Variants in CLMN observed in about 807,000 individuals in gnomAD.
The protein encoded by CLMN is calmin (calponin-like, transmembrane).
In CLMN, 57 loss-of-function variants were observed where a neutral mutation model predicts 92.7. The ratio of observed to expected loss-of-function variants is 0.61; its 90% CI spans 0.50 to 0.77. The LOEUF is 0.77. Among genes scored for constraint, CLMN ranks in the 30% least tolerant of loss-of-function variants. CLMN has a pLI of 0.00. For missense variants in CLMN, 1,158 were observed against 1,237.5 expected, an observed-to-expected ratio of 0.94 and a Z score of 0.96; for synonymous variants, 466 against 470.6, an observed-to-expected ratio of 0.99 and a Z score of 0.13.
At chr14:95,285,942 T>C (rs1900324607) in intron 1 of CLMN, among the ~76,000 whole-genome samples, 2 of 152,070 alleles carry the variant, frequency 1.3e-5, no homozygotes, top group African/African-American at 2.4e-5. Context: ...CCACCAACAA[T>C]TGATTCATAT....
At chr14:95,245,923 G>C (rs79349478) in intron 1 of CLMN, among the ~76,000 whole-genome samples, 34,862 of 151,512 alleles carry the variant, frequency 0.23, 5,180 homozygotes, top group African/African-American at 0.42. Flanking sequence ...TGGATGGATG[G>C]ATGGATGGAT....
chr14:95,311,772 A>T (rs1901552770), intron 1 of CLMN, among the ~76,000 whole-genome samples: 1 of 151,604 alleles, frequency 6.6e-6, no homozygotes, highest in African/African-American at 2.4e-5. Context: ...ATGCTCCCCT[A>T]CCCTGTGGGT....
At chr14:95,268,794 CTTTTTTTTTTT>C (rs985091508) in intron 1 of CLMN, among the ~76,000 whole-genome samples, 37 of 63,110 alleles carry the variant, frequency 5.9e-4, no homozygotes, top group African/African-American at 2.7e-3. Context: ...CTCTCTCTCT[CTTTTTTTTTTT>C]TTTTTTTTTT....
At chr14:95,311,578 A>G (rs1481784542) in intron 1 of CLMN, among the ~76,000 whole-genome samples, 1 of 152,200 alleles carries the variant, frequency 6.6e-6, no homozygotes, top group African/African-American at 2.4e-5. Flanking sequence ...ACACTGGACC[A>G]CAATCTCCAA....
chr14:95,248,418 G>A (rs193232251), intron 1 of CLMN, among the ~76,000 whole-genome samples: 3 of 152,270 alleles, frequency 2.0e-5, no homozygotes, highest in East Asian at 3.9e-4. Flanking sequence ...GCACAGAGAC[G>A]TTAGGTTACC....
At chr14:95,305,997 T>A (rs10149077) in intron 1 of CLMN, among the ~76,000 whole-genome samples, 13,357 of 152,216 alleles carry the variant, frequency 0.088, 825 homozygotes, top group African/African-American at 0.17. Flanking sequence ...AAATTCTCAG[T>A]AAATCTACCA....
intron 1 of CLMN, among the ~76,000 whole-genome samples, chr14:95,303,149 A>C (rs906724341): frequency 1.5e-4 from 23 of 152,260 alleles, no homozygotes; most frequent in Admixed American, 1.3e-3. Flanking sequence ...GCTTAACTTT[A>C]AAAACTTGGC....
chr14:95,237,347 G>C (rs755390452), intron 1 of CLMN, among the ~76,000 whole-genome samples: 8 of 152,250 alleles, frequency 5.3e-5, no homozygotes, highest in Non-Finnish European at 1.0e-4. Context: ...GGCAGCCGGA[G>C]TCAGAGCTTG....
chr14:95,203,405 C>T lies in CLMN; in HGVS notation c.1944G>A (p.Glu648=). 6.2e-7 allele frequency: 1 copy of T among 1,614,170 alleles called. No homozygotes were observed. The highest frequency in any genetic ancestry group is 8.5e-7 in the Non-Finnish European group (1 of 1,180,038). The change falls in exon 9 of 13, where the codon GAG becomes GAA. Residue 648 remains glutamate (E), a synonymous_variant. Coordinates refer to ENST00000298912, the MANE Select transcript of CLMN (RefSeq NM_024734.4). ...CCTCTGGCTTTTTATCCACTGGTGT[C>T]TCTTCTGGGGCTGAAGGACAGCCTT... ...EAEGCPSAPE[E]TPVDKKPEVH... is the part of the protein sequence containing the mutation.
intron 1 of CLMN, among the ~76,000 whole-genome samples, chr14:95,302,445 G>T (rs1901100131): frequency 6.6e-6 from 1 of 152,156 alleles, no homozygotes; most frequent in South Asian, 2.1e-4. Context: ...ACATTTTCCA[G>T]TAGCCCTGTT....
intron 1 of CLMN, among the ~76,000 whole-genome samples, chr14:95,299,002 T>C (rs1016782142): frequency 2.0e-5 from 3 of 152,222 alleles, no homozygotes; most frequent in African/African-American, 4.8e-5. Context: ...CCAGCACTCA[T>C]TCATTTATTT....
intron 1 of CLMN, among the ~76,000 whole-genome samples, chr14:95,306,201 GC>G: frequency 6.6e-6 from 1 of 152,254 alleles, no homozygotes; most frequent in South Asian, 2.1e-4. Context: ...AAAGTCAGAG[GC>G]CCCAGACTTG....
chr14:95,202,899 G>A lies in CLMN; in HGVS notation c.2450C>T (p.Ala817Val), dbSNP rs139319277. Residue 817 changes from alanine (A) to valine (V), a missense_variant, in exon 9 of 13, where the codon GCC (alanine) becomes GTC (valine). Transcript: ENST00000298912. ...TTPASEPAPL[A>V]PHEDHQQRET... ...CCTTTGCTGGTGGTCCTCATGGGGG[G>A]CCAGTGGAGCGGGTTCTGAGGCTGG... The A allele has an allele frequency of 6.3e-7, 1 of 1,582,420 alleles. No homozygotes were observed. Among genetic ancestry groups the A allele is most frequent in the Non-Finnish European group, 8.6e-7 (1 of 1,168,434 alleles).
Position 95,319,882 on chromosome 14 carries a change from G to T in CLMN, c.-90C>A, listed in dbSNP as rs1240826937. The T allele has an allele frequency of 1.6e-6, 1 of 637,144 alleles. No homozygotes were observed. Among genetic ancestry groups the T allele is most frequent in the East Asian group, 1.6e-4 (1 of 6,320 alleles). 39.5% of individuals were successfully genotyped at this position (637,144 alleles called of 1,614,324 possible). On this transcript the variant is annotated 5_prime_UTR_variant, in exon 1 of 13. Coordinates refer to ENST00000298912, the MANE Select transcript of CLMN (RefSeq NM_024734.4). ...CGGGCGCGCGAGCGGCACGCACCCG[G>T]CGAGGGCGCCGCGGAGCTGGAGTCG...
rs988333602 is a variant in CLMN, at chr14:95,183,090, G to C, written c.*8474C>G. On this transcript the variant is annotated 3_prime_UTR_variant, in exon 13 of 13. Coordinates refer to ENST00000298912, the MANE Select transcript of CLMN (RefSeq NM_024734.4). ...CGTAACCTTTGGATTTTTAAACTTA[G>C]AAAGGACTTTTAAAAGAAGTCTTCC... 6.6e-6 allele frequency: 1 copy of C among 152,176 alleles called. No individual in the cohort carries two copies. Among genetic ancestry groups the C allele is most frequent in the Non-Finnish European group, 1.5e-5 (1 of 68,040 alleles). 9.4% of individuals were successfully genotyped at this position (152,176 alleles called of 1,614,324 possible). A position where few individuals can be genotyped will look rare whatever the true frequency, so the allele number is the denominator to read the frequency against.
intron 2 of CLMN, among the ~76,000 whole-genome samples, chr14:95,224,234 T>C (rs1897639807): frequency 6.6e-6 from 1 of 152,232 alleles, no homozygotes; most frequent in Admixed American, 6.5e-5. Context: ...TATCAGGGCT[T>C]AATGTGAAAT....
intron 1 of CLMN, among the ~76,000 whole-genome samples, chr14:95,252,203 C>T (rs1363609054): frequency 6.6e-6 from 1 of 152,118 alleles, no homozygotes; most frequent in African/African-American, 2.4e-5. Flanking sequence ...AAAACCAAAG[C>T]AACCAGGGGT....
chr14:95,215,815 C>CTGTGTGTGTGTGTGTGTG (rs57063101), intron 4 of CLMN, 82 bp from the exon 5 acceptor site: 1 of 504,930 alleles, frequency 2.0e-6, no homozygotes, highest in Non-Finnish European at 3.5e-6. Flanking sequence ...CTCTCTCTCT[C>CTGTGTGTGTGTGTGTGTG]TGTGTGTGTG....
At chr14:95,236,149 G>A (rs889337186) in intron 1 of CLMN, among the ~76,000 whole-genome samples, 4 of 152,204 alleles carry the variant, frequency 2.6e-5, no homozygotes, top group Admixed American at 6.5e-5. Flanking sequence ...TGTGGTCCCC[G>A]TTTTACAGGT....
Sources: gnomAD v4.1 joint callset for allele counts (sites outside exome capture counted in the v4.1 genomes callset) on GRCh38, gnomAD v4.1.1 for gene constraint, MANE v1.5 for transcripts, NCBI Gene and HGNC (gene_info 2026-07-23, HGNC 2026-07-21) for gene names.